The following KAT6A variants were observed in gnomAD, a reference collection of about 807,000 sequenced individuals.
The protein encoded by KAT6A is histone acetyltransferase KAT6A.
KAT6A carries 9 observed loss-of-function variants against 198.4 expected under a neutral mutation model. The observed-to-expected ratio is 0.05, with a 90% CI of 0.03 to 0.08. The LOEUF (loss-of-function observed/expected upper bound fraction) is 0.08. KAT6A is among the 10% of genes least tolerant of loss of function. The probability of loss-of-function intolerance (pLI) is 1.00; values close to 1 mark genes in which losing one functional copy is unlikely to be tolerated. For missense variants in KAT6A, 2,077 were observed against 2,509.9 expected (o/e 0.83, Z 3.69); for synonymous variants, 890 against 883.0 (o/e 1.01, Z -0.14).
intron 2 of KAT6A, among the ~76,000 whole-genome samples, chr8:42,034,022 G>A (rs1380853871): frequency 6.6e-6 from 1 of 152,134 alleles, no homozygotes; most frequent in Non-Finnish European, 1.5e-5. Flanking sequence ...GTCAGCCTGG[G>A]AGCAGGGTGG....
In KAT6A at chr8:42,048,611, G is replaced by A. The variant is rs777086775; in HGVS notation, c.367C>T (p.Arg123Cys). The change falls in exon 2 of 17, where the codon CGT (arginine) becomes TGT (cysteine). Residue 123 changes from arginine to cysteine, a missense_variant. This residue lies in a region of KAT6A where 185 missense variants were observed against 185.7 expected (regional missense o/e 1.00). Transcript: ENST00000265713. The stretch of plus-strand genomic sequence containing the variant: ...ACATCCTTCTGACCTTTCAAAAAAC[G>A]TTCAATGCTTTTCAAAGTTGAGCCA... ...SGGSTLKSIE[R>C]FLKGQKDVSA... 43 of 1,614,048 alleles carry A rather than the reference G, an allele frequency of 2.7e-5. 1 individual carries two copies. In the South Asian group the frequency reaches 3.6e-4, roughly 14 times the overall value.
chr8:41,936,511 G>T lies in KAT6A; in HGVS notation c.3352+745C>A, dbSNP rs558894492. Among the ~76,000 whole-genome samples the T allele has an allele frequency of 3.3e-5, 5 of 152,292 alleles. No individual in the cohort carries two copies. The South Asian group carries it at 6.2e-4, about 19-fold the overall frequency. On this transcript the variant is annotated intron_variant, in intron 16 of 16. Coordinates refer to ENST00000265713, the MANE Select transcript of KAT6A (RefSeq NM_006766.5). Reference sequence around the variant, plus strand: ...CGAGATAAACACACTGCAGATGCAGGCAGCATGAGACACTGGCAAAACTTT... The same window carrying T: ...CGAGATAAACACACTGCAGATGCAGTCAGCATGAGACACTGGCAAAACTTT...
At chr8:41,950,384 C>G (rs1407946446) in intron 9 of KAT6A, among the ~76,000 whole-genome samples, 1 of 152,128 alleles carries the variant, frequency 6.6e-6, no homozygotes, top group Admixed American at 6.5e-5. Flanking sequence ...TTCCTGAATA[C>G]CTGGATTCTG....
chr8:41,966,284 TC>T (rs1564027744), intron 8 of KAT6A, among the ~76,000 whole-genome samples: 1 of 152,130 alleles, frequency 6.6e-6, no homozygotes, highest in Non-Finnish European at 1.5e-5. Context: ...GCTTTGCTTT[TC>T]GAGGTTCTAG....
chr8:42,050,602 G>A (rs778442786), intron 1 of KAT6A, among the ~76,000 whole-genome samples: 3 of 152,176 alleles, frequency 2.0e-5, no homozygotes, highest in Non-Finnish European at 4.4e-5. Flanking sequence ...TTTTAAATCA[G>A]CTGCCTAAAA....
Position 41,981,973 on chromosome 8 carries a change from T to A in KAT6A, c.710-19A>T. 2.9e-6 allele frequency: 4 copies of A among 1,392,814 alleles called. No homozygotes were observed. The South Asian group carries it at 4.7e-5, about 16-fold the overall frequency. 86.3% of individuals were successfully genotyped at this position (1,392,814 alleles called of 1,614,324 possible). A position where few individuals can be genotyped will look rare whatever the true frequency, so the allele number is the denominator to read the frequency against. On this transcript the variant is annotated intron_variant, in intron 3 of 16. Transcript: ENST00000265713. ...GGATGGCCTAATACGAGGGAGAACA[T>A]TCATGAATGAAACAATCAAGAACTA...
chr8:42,016,405 A>G (rs1826273583), intron 2 of KAT6A, among the ~76,000 whole-genome samples: 1 of 152,258 alleles, frequency 6.6e-6, no homozygotes, highest in African/African-American at 2.4e-5. Context: ...CCCTTATAAC[A>G]AATTTGCACA....
At chr8:41,957,091 T>C (rs1179525977) in intron 8 of KAT6A, 1 of 603,916 alleles carries the variant, frequency 1.7e-6, no homozygotes, top group Non-Finnish European at 3.3e-6. Flanking sequence ...TCCCATCAGC[T>C]GCCCGCTGCT....
At chr8:42,024,915 T>G (rs1205417587) in intron 2 of KAT6A, among the ~76,000 whole-genome samples, 1 of 152,204 alleles carries the variant, frequency 6.6e-6, no homozygotes, top group Non-Finnish European at 1.5e-5. Context: ...TATGGGGGTA[T>G]AAGTATCCCT....
Position 41,959,384 on chromosome 8 carries a change from G to C in KAT6A, c.1483-3973C>G, listed in dbSNP as rs553978020. On this transcript the variant is annotated intron_variant, in intron 8 of 16. Coordinates refer to ENST00000265713, the MANE Select transcript of KAT6A (RefSeq NM_006766.5). ...TGTTGGTGAAGATGTGGAAAAATCAGAACCCTTGTCCCATTGCTGGCGGGA... is the reference window on the plus strand; with the variant it reads ...TGTTGGTGAAGATGTGGAAAAATCACAACCCTTGTCCCATTGCTGGCGGGA... 6.6e-5 allele frequency among the ~76,000 whole-genome samples: 10 copies of C among 152,252 alleles called. No homozygotes were observed. In the East Asian group the frequency reaches 1.9e-3, roughly 29 times the overall value.
Position 41,941,078 on chromosome 8 carries a change from G to A in KAT6A, c.2803C>T (p.Leu935Phe), listed in dbSNP as rs139138850. 33 of 1,614,172 alleles carry A rather than the reference G, an allele frequency of 2.0e-5. No individual in the cohort carries two copies. The African/African-American group carries it at 4.0e-4, about 20-fold the overall frequency. Residue 935 changes from leucine to phenylalanine, a missense_variant, in exon 15 of 17, where the codon CTT (leucine) becomes TTT (phenylalanine). By Grantham distance (22) the Leu-to-Phe change is conservative. Around this residue, in one of 13 missense-constraint regions of KAT6A, gnomAD observed 301 missense variants for 272.2 expected, o/e 1.11. Coordinates refer to ENST00000265713, the MANE Select transcript of KAT6A (RefSeq NM_006766.5). ...CCCTCACTGAGTCTTCTCTTGGGAA[G>A]GTCAGGTTTCCCGTCCTGGCTTGGC... ...EQPSQDGKPD[L>F]PKRRLSEGVE...
At chr8:42,005,637 G>A (rs1309706910) in intron 2 of KAT6A, among the ~76,000 whole-genome samples, 1 of 152,186 alleles carries the variant, frequency 6.6e-6, no homozygotes, top group Non-Finnish European at 1.5e-5. Context: ...AGGGAGTGAG[G>A]TTGGAAGGAG....
intron 2 of KAT6A, among the ~76,000 whole-genome samples, chr8:42,038,093 T>G (rs1827467405): frequency 6.6e-6 from 1 of 152,242 alleles, no homozygotes; most frequent in African/African-American, 2.4e-5. Flanking sequence ...TGTACCTTGC[T>G]ATCTCTAGCT....
Position 42,041,151 on chromosome 8 carries a change from C to T in KAT6A, c.600+7227G>A, listed in dbSNP as rs1349478884. Among the ~76,000 whole-genome samples, 6 of 142,602 alleles carry T rather than the reference C, an allele frequency of 4.2e-5. No individual in the cohort carries two copies. The East Asian group carries it at 6.5e-4, about 15-fold the overall frequency. The allele number at this position is 142,602 out of a possible 152,430, so 93.6% of individuals were successfully genotyped here. The stretch of plus-strand genomic sequence containing the variant: ...CAGAGGTTGCAGTGAGCCAAGGTTG[C>T]GCCACTGCACTCCAGTCTGGGCAAG... On this transcript the variant is annotated intron_variant, in intron 2 of 16. Coordinates refer to ENST00000265713, the MANE Select transcript of KAT6A (RefSeq NM_006766.5).
At chr8:41,965,117 G>A (rs914287788) in intron 8 of KAT6A, among the ~76,000 whole-genome samples, 5 of 152,164 alleles carry the variant, frequency 3.3e-5, no homozygotes, top group Admixed American at 2.0e-4. Context: ...TTGTAAGACA[G>A]GCAGTCCTTG....
intron 2 of KAT6A, among the ~76,000 whole-genome samples, chr8:42,043,049 T>C (rs1167162212): frequency 6.6e-6 from 1 of 152,210 alleles, no homozygotes; most frequent in African/African-American, 2.4e-5. Flanking sequence ...TTAATTGTTA[T>C]GAAAAAATAA....
intron 2 of KAT6A, among the ~76,000 whole-genome samples, chr8:42,016,391 C>A (rs908196019): frequency 6.6e-5 from 10 of 152,162 alleles, no homozygotes; most frequent in African/African-American, 2.4e-4. Context: ...TTAGTTAAAC[C>A]TTTCCCTTAT....
At chr8:42,022,339 C>CA (rs974335188) in intron 2 of KAT6A, among the ~76,000 whole-genome samples, 16 of 150,666 alleles carry the variant, frequency 1.1e-4, no homozygotes, top group African/African-American at 3.2e-4. Flanking sequence ...TCAGACCCAG[C>CA]AAAAAAACCT....
chr8:41,963,775 C>T (rs917190215), intron 8 of KAT6A, among the ~76,000 whole-genome samples: 1 of 152,142 alleles, frequency 6.6e-6, no homozygotes, highest in Non-Finnish European at 1.5e-5. Context: ...TAAAGAGCTA[C>T]TTTACCTGCA....
Sources: allele counts gnomAD v4.1 joint callset (sites outside exome capture counted in the v4.1 genomes callset), GRCh38; gene constraint gnomAD v4.1.1; regional missense constraint gnomAD v4.1.1; transcripts MANE v1.5; gene names NCBI Gene and HGNC (gene_info 2026-07-23, HGNC 2026-07-21).